The following BRINP1 variants were observed in gnomAD, a reference collection of about 807,000 sequenced individuals.
The protein encoded by BRINP1 is BMP/retinoic acid inducible neural specific 1, also known as BMP/retinoic acid-inducible neural-specific protein 1.
BRINP1 carries 17 observed loss-of-function variants against 72.9 expected under a neutral mutation model. The observed-to-expected ratio is 0.23, with a 90% CI of 0.16 to 0.35. BRINP1 has a LOEUF of 0.35. BRINP1 is among the 10% of genes least tolerant of loss of function. The pLI is 1.00. For missense variants in BRINP1, 850 were observed against 1,001.6 expected, an observed-to-expected ratio of 0.85 and a Z score of 2.04; for synonymous variants, 418 against 378.5, an observed-to-expected ratio of 1.10 and a Z score of -1.21.
At chr9:119,265,931 T>A (rs572695225) in intron 2 of BRINP1, among the ~76,000 whole-genome samples, 4 of 152,306 alleles carry the variant, frequency 2.6e-5, no homozygotes, top group African/African-American at 9.6e-5. Context: ...TGTTCCCTTC[T>A]TTTCAACCAG....
intron 2 of BRINP1, among the ~76,000 whole-genome samples, chr9:119,268,200 A>G (rs1005160460): frequency 6.6e-6 from 1 of 152,012 alleles, no homozygotes; most frequent in African/African-American, 2.4e-5. Flanking sequence ...CCAAGATCAC[A>G]TCACTGCACT....
intron 2 of BRINP1, among the ~76,000 whole-genome samples, chr9:119,307,185 C>T (rs539840159): frequency 6.6e-6 from 1 of 151,792 alleles, no homozygotes; most frequent in South Asian, 2.1e-4. Flanking sequence ...ACCAGTTGGA[C>T]ACCAAGAATC....
chr9:119,368,398 A>G lies in BRINP1; in HGVS notation c.-51+658T>C, dbSNP rs1232742444. On this transcript the variant is annotated intron_variant, in intron 1 of 7. Transcript: ENST00000265922. This position sits in a 1 kb window ranked among gnomAD's most constrained non-coding sequence, Gnocchi z 4.7. ...TCTTTCATATTAAGCTGTGGGTCCCAGTGTAGCAGGATTCCACCGTTTGGA... is the reference window on the plus strand; with the variant it reads ...TCTTTCATATTAAGCTGTGGGTCCCGGTGTAGCAGGATTCCACCGTTTGGA... 6.6e-6 allele frequency among the ~76,000 whole-genome samples: 1 copy of G among 152,044 alleles called. No homozygotes were observed. The highest frequency in any genetic ancestry group is 6.6e-5 in the Admixed American group (1 of 15,264).
At chr9:119,251,605 A>G (rs941555374) in intron 2 of BRINP1, among the ~76,000 whole-genome samples, 1 of 147,778 alleles carries the variant, frequency 6.8e-6, no homozygotes, top group African/African-American at 2.4e-5. Context: ...AAATAAACAC[A>G]AAAACAACAA....
At chr9:119,240,376 T>G (rs1427800541) in intron 4 of BRINP1, among the ~76,000 whole-genome samples, 2 of 152,102 alleles carry the variant, frequency 1.3e-5, no homozygotes. Context: ...AAGGGCCAAA[T>G]TAAGTGCAGA....
intron 7 of BRINP1, among the ~76,000 whole-genome samples, chr9:119,179,889 G>A (rs1273566220): frequency 1.3e-5 from 2 of 152,224 alleles, no homozygotes; most frequent in African/African-American, 4.8e-5. Context: ...GCCTCAGCCA[G>A]GAATTTCTGG....
chr9:119,346,239 T>C (rs761886321), intron 1 of BRINP1, among the ~76,000 whole-genome samples: 10 of 152,080 alleles, frequency 6.6e-5, no homozygotes, highest in Non-Finnish European at 1.3e-4. Context: ...CAGAAGATAA[T>C]AAATTAAAGA....
intron 2 of BRINP1, among the ~76,000 whole-genome samples, chr9:119,285,481 G>A (rs1830752447): frequency 6.6e-6 from 1 of 152,222 alleles, no homozygotes; most frequent in African/African-American, 2.4e-5. Context: ...GAAGCTGAGA[G>A]CAGTTAACTG....
chr9:119,312,661 A>C, intron 2 of BRINP1, among the ~76,000 whole-genome samples: 1 of 152,292 alleles, frequency 6.6e-6, no homozygotes, highest in East Asian at 1.9e-4. Flanking sequence ...GATATTGGGT[A>C]CATCAGCAGC....
intron 2 of BRINP1, chr9:119,282,827 C>T: frequency 1.0e-6 from 1 of 985,290 alleles, no homozygotes; most frequent in Non-Finnish European, 1.2e-6. Flanking sequence ...AGAGTAATAG[C>T]TGGTCACAGT....
chr9:119,227,410 TCTC>T (rs1830102846), intron 5 of BRINP1, among the ~76,000 whole-genome samples: 1 of 152,030 alleles, frequency 6.6e-6, no homozygotes, highest in South Asian at 2.1e-4. Flanking sequence ...GAAGAATCCT[TCTC>T]CTCTGGCGAG....
chr9:119,270,644 A>G (rs1446745746), intron 2 of BRINP1, among the ~76,000 whole-genome samples: 1 of 152,202 alleles, frequency 6.6e-6, no homozygotes, highest in Non-Finnish European at 1.5e-5. Flanking sequence ...AGGGCAGTAG[A>G]TAAGACAGAT....
At chr9:119,324,189 A>G (rs1345438099) in intron 1 of BRINP1, among the ~76,000 whole-genome samples, 2 of 152,146 alleles carry the variant, frequency 1.3e-5, no homozygotes, top group Non-Finnish European at 2.9e-5. Flanking sequence ...ATGAGAATTT[A>G]CTAATCAGGG....
At chr9:119,200,870 C>T (rs910697599) in intron 7 of BRINP1, among the ~76,000 whole-genome samples, 1 of 151,874 alleles carries the variant, frequency 6.6e-6, no homozygotes, top group Non-Finnish European at 1.5e-5. Flanking sequence ...GAAGCACATT[C>T]AAGCAGAAGG....
intron 2 of BRINP1, among the ~76,000 whole-genome samples, chr9:119,256,677 G>T (rs919130632): frequency 6.6e-6 from 1 of 152,134 alleles, no homozygotes; most frequent in Non-Finnish European, 1.5e-5. Context: ...TTGCTTAAAA[G>T]GTTCTATTTT....
chr9:119,182,370 C>T (rs1829567314), intron 7 of BRINP1, among the ~76,000 whole-genome samples: 1 of 152,160 alleles, frequency 6.6e-6, no homozygotes, highest in Non-Finnish European at 1.5e-5. Context: ...AATGAAAAGA[C>T]AACTTTCAAT....
At chr9:119,170,460 T>G (rs956329879) in intron 7 of BRINP1, among the ~76,000 whole-genome samples, 1 of 151,544 alleles carries the variant, frequency 6.6e-6, no homozygotes, top group African/African-American at 2.4e-5. Flanking sequence ...GAGCAAAGCC[T>G]CCAAGAAATA....
intron 1 of BRINP1, among the ~76,000 whole-genome samples, chr9:119,318,851 GTGTGT>G (rs1831155863): frequency 9.6e-6 from 1 of 104,268 alleles, no homozygotes; most frequent in African/African-American, 2.7e-5. Context: ...TGGGGTGTGT[GTGTGT>G]GTGTGTGTGT....
intron 2 of BRINP1, among the ~76,000 whole-genome samples, chr9:119,306,867 T>C (rs1831002350): frequency 6.6e-6 from 1 of 152,154 alleles, no homozygotes; most frequent in South Asian, 2.1e-4. Context: ...TTTCCCCATT[T>C]TATTCTATGG....
Sources: allele counts gnomAD v4.1 joint callset (sites outside exome capture counted in the v4.1 genomes callset), GRCh38; gene constraint gnomAD v4.1.1; non-coding constraint Gnocchi (gnomAD v3.1); transcripts MANE v1.5; gene names NCBI Gene and HGNC (gene_info 2026-07-23, HGNC 2026-07-21).